Variants in MINDY4B observed in about 807,000 individuals in gnomAD.
MINDY4B encodes inactive ubiquitin carboxyl-terminal hydrolase MINDY-4B.
Under a neutral mutation model 16.7 loss-of-function variants are expected in MINDY4B, and 25 were observed. The ratio of observed to expected loss-of-function variants is 1.49; its 90% CI spans 1.09 to 2.09. The LOEUF (loss-of-function observed/expected upper bound fraction) is 2.09, where lower values mean the gene tolerates loss of function less well. Among genes scored for constraint, MINDY4B ranks in the 30% most tolerant of loss-of-function variants. The probability of loss-of-function intolerance (pLI) is 0.00; values close to 1 mark genes in which losing one functional copy is unlikely to be tolerated. For missense variants in MINDY4B, 327 were observed against 168.4 expected (o/e 1.94, Z -5.21); for synonymous variants, 132 against 61.9 (o/e 2.13, Z -5.32).
At chr3:150,895,180 C>T (rs1442600240) in intron 3 of MINDY4B, among the ~76,000 whole-genome samples, 1 of 152,152 alleles carries the variant, frequency 6.6e-6, no homozygotes, top group South Asian at 2.1e-4. Flanking sequence ...ATGAGGGAAC[C>T]GAGACCCAAA....
intron 3 of MINDY4B, among the ~76,000 whole-genome samples, chr3:150,895,974 G>C (rs1711950668): frequency 6.6e-6 from 1 of 151,988 alleles, no homozygotes; most frequent in Non-Finnish European, 1.5e-5. Context: ...TCTTCTTTCT[G>C]ATTATTCTTA....
intron 11 of MINDY4B, among the ~76,000 whole-genome samples, chr3:150,872,840 A>G (rs538001796): frequency 1.6e-4 from 25 of 152,204 alleles, no homozygotes; most frequent in Non-Finnish European, 3.2e-4. Flanking sequence ...GGTTTTCCCA[A>G]TTATTTCCTC....
chr3:150,877,570 A>G (rs16862939), intron 10 of MINDY4B, among the ~76,000 whole-genome samples: 21,619 of 152,108 alleles, frequency 0.14, 3,635 homozygotes, highest in African/African-American at 0.41. Flanking sequence ...TCTGGTTAGC[A>G]TGTCTCTAAG....
intron 10 of MINDY4B, among the ~76,000 whole-genome samples, chr3:150,881,030 C>A (rs1711517426): frequency 6.6e-6 from 1 of 152,210 alleles, no homozygotes; most frequent in Non-Finnish European, 1.5e-5. Flanking sequence ...AATTCTCTGT[C>A]CAGGCTGTAT....
At chr3:150,882,843 A>G in intron 10 of MINDY4B, 54 bp downstream of exon 10, 1 of 648,020 alleles carries the variant, frequency 1.5e-6, no homozygotes, top group East Asian at 2.9e-5. Context: ...AGACTTTTAA[A>G]CTGTTAAAAT....
Position 150,883,729 on chromosome 3 carries a change from G to T in MINDY4B, c.868C>A (p.Pro290Thr), listed in dbSNP as rs1170911423. 1.4e-6 allele frequency: 1 copy of T among 702,802 alleles called. No individual in the cohort carries two copies. The highest frequency in any genetic ancestry group is 2.0e-5 in the Admixed American group (1 of 50,010). The allele number at this position is 702,802 out of a possible 1,614,324, so 43.5% of individuals were successfully genotyped here. A position where few individuals can be genotyped will look rare whatever the true frequency, so the allele number is the denominator to read the frequency against. Residue 290 changes from proline to threonine, a missense_variant, in exon 9 of 12, where the codon CCA (proline) becomes ACA (threonine). Transcript: ENST00000465419. ...LDVTTTQLLQ[P>T]NAGGFLCRQA... ...CTGCACAGAAAGCCTCCAGCATTTG[G>T]TTGTAGCAGCTGAGTGGTGGTGACA...
chr3:150,871,950 G>A (rs962121863), intron 11 of MINDY4B, among the ~76,000 whole-genome samples: 3 of 152,210 alleles, frequency 2.0e-5, no homozygotes, highest in African/African-American at 7.2e-5. Context: ...AACTGGGTTT[G>A]GGGCTTGAGT....
chr3:150,895,938 A>G (rs1252630584), intron 3 of MINDY4B, among the ~76,000 whole-genome samples: 1 of 152,080 alleles, frequency 6.6e-6, no homozygotes, highest in Non-Finnish European at 1.5e-5. Context: ...ATTCCCCCAA[A>G]TATGTTTTCC....
In MINDY4B at chr3:150,871,010, A is replaced by G. The variant is rs751315020; in HGVS notation, c.*35T>C. Reference sequence around the variant, plus strand: ...AGGCTTTTGCATCCCAGCAGTTCTGACACTTCAGACTTCATTGCACAGCCT... The same window carrying G: ...AGGCTTTTGCATCCCAGCAGTTCTGGCACTTCAGACTTCATTGCACAGCCT... On this transcript the variant is annotated 3_prime_UTR_variant, in exon 12 of 12. Transcript: ENST00000465419. 8 of 693,534 alleles carry G rather than the reference A, an allele frequency of 1.2e-5. No individual in the cohort carries two copies. Among genetic ancestry groups the G allele is most frequent in the Non-Finnish European group, 2.1e-5 (8 of 380,346 alleles). 43.0% of individuals were successfully genotyped at this position (693,534 alleles called of 1,614,324 possible).
chr3:150,890,552 T>C, intron 6 of MINDY4B, 167 bp from the exon 7 acceptor site: 1 of 488,966 alleles, frequency 2.0e-6, no homozygotes, highest in East Asian at 3.1e-5. Flanking sequence ...ACATAAACAG[T>C]GCAACTGGGT....
intron 3 of MINDY4B, among the ~76,000 whole-genome samples, chr3:150,901,744 C>T (rs535119561): frequency 6.6e-6 from 1 of 152,076 alleles, no homozygotes; most frequent in African/African-American, 2.4e-5. Flanking sequence ...TGGTCTTGAA[C>T]TCCTGGCCTG....
intron 10 of MINDY4B, among the ~76,000 whole-genome samples, chr3:150,874,436 G>C (rs2107894438): frequency 6.6e-6 from 1 of 152,306 alleles, no homozygotes; most frequent in East Asian, 1.9e-4. Flanking sequence ...ATAGCCATCA[G>C]TTTGTTTACA....
chr3:150,890,885 T>C, intron 6 of MINDY4B, 53 bp downstream of exon 6: 1 of 693,384 alleles, frequency 1.4e-6, no homozygotes, highest in South Asian at 1.5e-5. Flanking sequence ...GTCTATTACA[T>C]GCTCAGGCTT....
At chr3:150,897,321 CTGTG>C (rs3062408) in intron 3 of MINDY4B, among the ~76,000 whole-genome samples, 11,266 of 130,252 alleles carry the variant, frequency 0.086, 548 homozygotes, top group African/African-American at 0.15. Context: ...GTGACTGGAA[CTGTG>C]TGTGTGTGTG....
At chr3:150,893,053 C>T (rs1489586219) in intron 5 of MINDY4B, among the ~76,000 whole-genome samples, 2 of 152,140 alleles carry the variant, frequency 1.3e-5, no homozygotes, top group Non-Finnish European at 2.9e-5. Flanking sequence ...GTAGGCCCAC[C>T]TGAGACCTGC....
chr3:150,893,695 T>TG (rs1314748386), intron 4 of MINDY4B, among the ~76,000 whole-genome samples: 3 of 43,718 alleles, frequency 6.9e-5, no homozygotes, highest in Non-Finnish European at 1.2e-4. Flanking sequence ...TAGTTTTTTT[T>TG]TGGGGGGGGG....
At chr3:150,901,987 T>C (rs1712128790) in intron 3 of MINDY4B, among the ~76,000 whole-genome samples, 1 of 152,110 alleles carries the variant, frequency 6.6e-6, no homozygotes, top group African/African-American at 2.4e-5. Flanking sequence ...GTGTCCTGTC[T>C]CGGGGAGCTT....
At chr3:150,878,524 T>C (rs1559964470) in intron 10 of MINDY4B, among the ~76,000 whole-genome samples, 1 of 152,200 alleles carries the variant, frequency 6.6e-6, no homozygotes, top group Non-Finnish European at 1.5e-5. Context: ...CAATTTTCAC[T>C]GAGGGCAGAA....
chr3:150,876,393 A>G (rs562927479), intron 10 of MINDY4B, among the ~76,000 whole-genome samples: 2 of 152,288 alleles, frequency 1.3e-5, no homozygotes, highest in Non-Finnish European at 2.9e-5. Flanking sequence ...CCAAGGCCCC[A>G]GGCTGGTAAT....
Sources: allele counts gnomAD v4.1 joint callset (sites outside exome capture counted in the v4.1 genomes callset), GRCh38; gene constraint gnomAD v4.1.1; transcripts MANE v1.5; gene names NCBI Gene and HGNC (gene_info 2026-07-23, HGNC 2026-07-21).